The following CERT1 variants were observed in gnomAD, a reference collection of about 807,000 sequenced individuals.
CERT1 encodes the protein ceramide transfer protein.
CERT1 carries 31 observed loss-of-function variants against 87.9 expected under a neutral mutation model. The ratio of observed to expected loss-of-function variants is 0.35; its 90% CI spans 0.27 to 0.48. The LOEUF (loss-of-function observed/expected upper bound fraction) is 0.48, where lower values mean the gene tolerates loss of function less well. CERT1 is among the 20% of genes least tolerant of loss of function. The probability of loss-of-function intolerance (pLI) is 0.99; values close to 1 mark genes in which losing one functional copy is unlikely to be tolerated. For synonymous variants in CERT1, 289 were observed against 250.9 expected (o/e 1.15, Z -1.44); for missense variants, 487 against 758.0 (o/e 0.64, Z 4.20).
At chr5:75,382,159 T>C (rs1219238512) in intron 14 of CERT1, 82 bp from the exon 15 acceptor site, 6 of 1,333,708 alleles carry the variant, frequency 4.5e-6, no homozygotes, top group Admixed American at 2.4e-5. Context: ...AATGTCTTAA[T>C]TGAAGGTAAA....
At chr5:75,447,477 T>TATTTATTTATTTATTTA (rs575951035) in intron 3 of CERT1, among the ~76,000 whole-genome samples, 4 of 129,458 alleles carry the variant, frequency 3.1e-5, no homozygotes, top group African/African-American at 1.4e-4. Flanking sequence ...TTTATTTATT[T>TATTTATTTATTTATTTA]TTTATTTTTT....
chr5:75,503,838 TTTTTTG>T (rs1767501773), intron 2 of CERT1, among the ~76,000 whole-genome samples: 1 of 146,928 alleles, frequency 6.8e-6, no homozygotes, highest in African/African-American at 2.5e-5. Flanking sequence ...AAAATTTAAA[TTTTTTG>T]TTTAATTTAA....
At chr5:75,480,536 C>T (rs1452387277) in intron 2 of CERT1, among the ~76,000 whole-genome samples, 1 of 152,184 alleles carries the variant, frequency 6.6e-6, no homozygotes, top group Non-Finnish European at 1.5e-5. Flanking sequence ...GCATACATGC[C>T]CTACGTAATA....
intron 9 of CERT1, 141 bp downstream of exon 9, chr5:75,402,831 T>G: frequency 1.9e-6 from 1 of 531,644 alleles, no homozygotes; most frequent in Non-Finnish European, 3.4e-6. Context: ...TTTACATTTG[T>G]GACTCAATGT....
At chr5:75,493,425 G>A (rs138147854) in intron 2 of CERT1, among the ~76,000 whole-genome samples, 78 of 152,202 alleles carry the variant, frequency 5.1e-4, no homozygotes, top group African/African-American at 1.6e-3. Flanking sequence ...CCTTATACTC[G>A]CTTGGTGATT....
rs113636404 is a variant in CERT1, at chr5:75,426,730, T to C, written c.349-252A>G. Among the ~76,000 whole-genome samples the C allele has an allele frequency of 9.6e-3, 1,466 of 152,270 alleles. 12 individuals carry two copies. The highest frequency in any genetic ancestry group is 0.027 in the Middle Eastern group (8 of 294). Reference sequence around the variant, plus strand: ...CTGTTTAATAATAGGAAAACTAAAGTAGTCAAATTCATAGACAGAAAGCAG... The same window carrying C: ...CTGTTTAATAATAGGAAAACTAAAGCAGTCAAATTCATAGACAGAAAGCAG... On this transcript the variant is annotated intron_variant, in intron 3 of 16. Coordinates refer to ENST00000643780, the MANE Select transcript of CERT1 (RefSeq NM_001379029.1).
intron 2 of CERT1, among the ~76,000 whole-genome samples, chr5:75,480,750 C>T (rs1316665012): frequency 6.6e-6 from 1 of 152,192 alleles, no homozygotes; most frequent in Admixed American, 6.5e-5. Context: ...GTTGCTTCGA[C>T]CTGAATAATC....
intron 11 of CERT1, among the ~76,000 whole-genome samples, chr5:75,394,398 T>C (rs1762164808): frequency 6.6e-6 from 1 of 152,164 alleles, no homozygotes; most frequent in Admixed American, 6.5e-5. Context: ...CCCATGCCTG[T>C]AGTCCCAGCT....
intron 5 of CERT1, among the ~76,000 whole-genome samples, chr5:75,421,750 C>T (rs1763386475): frequency 6.6e-6 from 1 of 152,136 alleles, no homozygotes; most frequent in African/African-American, 2.4e-5. Flanking sequence ...TCCTTACTTC[C>T]CGGGGCCTTT....
intron 16 of CERT1, among the ~76,000 whole-genome samples, chr5:75,380,570 C>T (rs931240528): frequency 6.6e-6 from 1 of 151,828 alleles, no homozygotes; most frequent in South Asian, 2.1e-4. Context: ...GGGTGGATCA[C>T]GAGGTCAGGA....
At chr5:75,380,936 G>T in intron 16 of CERT1, 136 bp downstream of exon 16, 1 of 885,552 alleles carries the variant, frequency 1.1e-6, no homozygotes, top group Non-Finnish European at 1.8e-6. Flanking sequence ...TAGTAATTCT[G>T]ATATACCTTT....
chr5:75,389,526 T>C (rs1351559119), intron 12 of CERT1, 66 bp downstream of exon 12: 14 of 1,163,730 alleles, frequency 1.2e-5, no homozygotes, highest in Non-Finnish European at 1.8e-5. Context: ...TTCATATCAA[T>C]AGTAATGATA....
intron 3 of CERT1, among the ~76,000 whole-genome samples, chr5:75,429,064 C>T (rs1269536473): frequency 1.3e-5 from 2 of 151,724 alleles, no homozygotes; most frequent in East Asian, 3.9e-4. Context: ...TTCCGCTTCT[C>T]AGATTAATGG....
intron 2 of CERT1, among the ~76,000 whole-genome samples, chr5:75,469,752 T>G (rs1294637479): frequency 4.6e-5 from 7 of 152,112 alleles, no homozygotes; most frequent in Admixed American, 4.6e-4. Flanking sequence ...TAAATATAAA[T>G]GGATTAAATT....
Position 75,507,417 on chromosome 5 carries a change from A to T in CERT1, c.97-1301T>A, listed in dbSNP as rs990994783. ...AGCCACCATCCCTAGCCAGTTCTTA[A>T]TTTTTCTAAGCCCCATCATTACAAC... On this transcript the variant is annotated intron_variant, in intron 1 of 16. Coordinates refer to ENST00000643780, the MANE Select transcript of CERT1 (RefSeq NM_001379029.1). 2.0e-5 allele frequency among the ~76,000 whole-genome samples: 3 copies of T among 151,962 alleles called. No homozygotes were observed. The East Asian group carries it at 5.8e-4, about 29-fold the overall frequency.
At chr5:75,431,930 C>T (rs566851462) in intron 3 of CERT1, among the ~76,000 whole-genome samples, 7 of 152,206 alleles carry the variant, frequency 4.6e-5, no homozygotes, top group Middle Eastern at 3.4e-3. Flanking sequence ...TGGGTATATA[C>T]ACAGTAATGA....
intron 17 of CERT1, chr5:75,370,369 T>G (rs995015855): frequency 6.6e-6 from 1 of 152,208 alleles, no homozygotes; most frequent in Non-Finnish European, 1.5e-5. Context: ...GAGCTGAGAT[T>G]AAACGAGATT....
At chr5:75,409,913 G>A (rs1253356489) in intron 8 of CERT1, among the ~76,000 whole-genome samples, 1 of 151,462 alleles carries the variant, frequency 6.6e-6, no homozygotes, top group East Asian at 1.9e-4. Context: ...GCTCACTGCA[G>A]TCTTGGGCTC....
At chr5:75,432,068 T>C (rs1763892860) in intron 3 of CERT1, among the ~76,000 whole-genome samples, 1 of 151,618 alleles carries the variant, frequency 6.6e-6, no homozygotes, top group Non-Finnish European at 1.5e-5. Context: ...TTTTTTTTTT[T>C]TGAGATGAAG....
Sources: allele counts gnomAD v4.1 joint callset (sites outside exome capture counted in the v4.1 genomes callset), GRCh38; gene constraint gnomAD v4.1.1; transcripts MANE v1.5; gene names NCBI Gene and HGNC (gene_info 2026-07-23, HGNC 2026-07-21).